The following KDM3B variants were observed in gnomAD, a reference collection of about 807,000 sequenced individuals.
KDM3B encodes lysine demethylase 3B, also known as lysine-specific demethylase 3B.
A neutral mutation model predicts 170.0 loss-of-function variants in KDM3B; 10 were observed. The ratio of observed to expected loss-of-function variants is 0.06; its 90% CI spans 0.04 to 0.10. The LOEUF (loss-of-function observed/expected upper bound fraction) is 0.10. Among genes scored for constraint, KDM3B ranks in the 10% least tolerant of loss-of-function variants. The pLI is 1.00. For missense variants in KDM3B, 1,394 were observed against 2,195.2 expected, an observed-to-expected ratio of 0.64 and a Z score of 7.29; for synonymous variants, 831 against 834.8, an observed-to-expected ratio of 1.00 and a Z score of 0.08.
At chr5:138,403,677 CAAAAA>C (rs35608823) in intron 11 of KDM3B, among the ~76,000 whole-genome samples, 1 of 132,240 alleles carries the variant, frequency 7.6e-6, no homozygotes, top group Non-Finnish European at 1.6e-5. Context: ...AACTCTGTCT[CAAAAA>C]AAAAAAAAAA....
At chr5:138,423,982 G>A in intron 15 of KDM3B, 93 bp from the exon 16 acceptor site, 2 of 1,304,730 alleles carry the variant, frequency 1.5e-6, no homozygotes, top group Non-Finnish European at 2.1e-6. Flanking sequence ...AGACAGGTCA[G>A]AACTCCTTGT....
At position 138,424,318 on chromosome 5, in the gene KDM3B, C is replaced by T. The variant is rs770809169; in HGVS notation, c.4216C>T (p.Arg1406Trp). 6.2e-7 allele frequency: 1 copy of T among 1,613,954 alleles called. No homozygotes were observed. Among genetic ancestry groups the T allele is most frequent in the South Asian group, 1.1e-5 (1 of 91,074 alleles). ...CAACAAAAACAATTGGAAGATCTTCCGGGAGTGTTGGAAGCAAGGTCAGGT... is the reference window on the plus strand; with the variant it reads ...CAACAAAAACAATTGGAAGATCTTCTGGGAGTGTTGGAAGCAAGGTCAGGT... ...PSNKNNWKIF[R>W]ECWKQGQPVL... The change falls in exon 16 of 24, where the codon CGG becomes TGG. Residue 1406 changes from arginine (R) to tryptophan (W), a missense_variant. Physicochemically the swap from Arg to Trp is moderately radical, Grantham distance 101. Transcript: ENST00000314358.
chr5:138,390,949 A>T (rs1762411060), intron 7 of KDM3B, 64 bp from the exon 8 acceptor site: 2 of 1,456,220 alleles, frequency 1.4e-6, no homozygotes. Flanking sequence ...GTGAGGTCCA[A>T]GAAAGAGATC....
At chr5:138,357,251 G>GC (rs1217455078) in intron 1 of KDM3B, among the ~76,000 whole-genome samples, 1 of 152,008 alleles carries the variant, frequency 6.6e-6, no homozygotes, top group Non-Finnish European at 1.5e-5. Context: ...CTCCCAAAGT[G>GC]CTGAGATTCC....
chr5:138,405,254 G>A (rs1218939066), intron 11 of KDM3B, among the ~76,000 whole-genome samples: 1 of 149,302 alleles, frequency 6.7e-6, no homozygotes, highest in South Asian at 2.1e-4. Flanking sequence ...GTGTTGGCAG[G>A]CTGGTCTTGA....
At chr5:138,367,612 C>T (rs1761774377) in intron 1 of KDM3B, among the ~76,000 whole-genome samples, 1 of 152,106 alleles carries the variant, frequency 6.6e-6, no homozygotes, top group East Asian at 1.9e-4. Context: ...GGGTCCTAAT[C>T]GAAGCATGTG....
At chr5:138,374,236 C>G in intron 2 of KDM3B, 1 of 423,152 alleles carries the variant, frequency 2.4e-6, no homozygotes, top group South Asian at 1.7e-5. Context: ...TCAGGTGAGC[C>G]ACTACGCCCA....
intron 6 of KDM3B, among the ~76,000 whole-genome samples, chr5:138,382,702 A>T (rs1251239195): frequency 6.6e-6 from 1 of 151,966 alleles, no homozygotes; most frequent in East Asian, 1.9e-4. Flanking sequence ...GGGTCTCGCT[A>T]TCTTGCCCAG....
intron 17 of KDM3B, among the ~76,000 whole-genome samples, chr5:138,426,577 A>G (rs1763399520): frequency 1.4e-5 from 2 of 147,644 alleles, no homozygotes; most frequent in Non-Finnish European, 3.0e-5. Flanking sequence ...TCCATCTCAA[A>G]AAAAAAAAAA....
chr5:138,416,807 A>G (rs370209581), intron 12 of KDM3B, among the ~76,000 whole-genome samples: 4 of 152,172 alleles, frequency 2.6e-5, no homozygotes, highest in African/African-American at 9.6e-5. Flanking sequence ...AACTTACAGT[A>G]AAGTATACAA....
intron 11 of KDM3B, among the ~76,000 whole-genome samples, chr5:138,412,626 C>T (rs1763001863): frequency 6.6e-6 from 1 of 152,088 alleles, no homozygotes. Flanking sequence ...TACACTCCAG[C>T]CTGGGTGACA....
rs1284993575 is a variant in KDM3B, at chr5:138,374,510, G to A, written c.361-583G>A. Among the ~76,000 whole-genome samples the A allele has an allele frequency of 7.9e-5, 12 of 151,820 alleles. No individual in the cohort carries two copies. In the East Asian group the frequency reaches 1.4e-3, roughly 17 times the overall value. The stretch of plus-strand genomic sequence containing the variant: ...CCTGACCTCGTGATCCACCCGCCTC[G>A]GCCTCCCAAAGTGCTGGGATTACAG... On this transcript the variant is annotated intron_variant, in intron 2 of 23. Transcript: ENST00000314358.
rs146514573 is a variant in KDM3B at position 138,385,236 on chromosome 5, G to T, written c.781-786G>T. 4.1e-3 allele frequency among the ~76,000 whole-genome samples: 622 copies of T among 152,122 alleles called. 2 individuals are homozygous for T. Among genetic ancestry groups the T allele is most frequent in the African/African-American group, 0.014 (571 of 41,502 alleles). The stretch of plus-strand genomic sequence containing the variant: ...GGGTTTCACCATGTTGCCCAGGCTG[G>T]TCTCAAACTCCTGACCTCAGGTAGA... On this transcript the variant is annotated intron_variant, in intron 6 of 23. Coordinates refer to ENST00000314358, the MANE Select transcript of KDM3B (RefSeq NM_016604.4).
At chr5:138,354,586 TC>T (rs1761407064) in intron 1 of KDM3B, among the ~76,000 whole-genome samples, 1 of 152,216 alleles carries the variant, frequency 6.6e-6, no homozygotes, top group African/African-American at 2.4e-5. Context: ...CTGAAATGGC[TC>T]CCCATTCACT....
chr5:138,427,366 T>C (rs755913717), intron 19 of KDM3B, 47 bp downstream of exon 19: 58 of 1,578,232 alleles, frequency 3.7e-5, no homozygotes, highest in Non-Finnish European at 4.9e-5. Context: ...CTGTTGTTCT[T>C]ATTTCAACTA....
chr5:138,406,039 A>T (rs1347389942), intron 11 of KDM3B, among the ~76,000 whole-genome samples: 2 of 152,210 alleles, frequency 1.3e-5, no homozygotes, highest in African/African-American at 4.8e-5. Context: ...AAGGCAGGAA[A>T]AATGAAACCA....
intron 17 of KDM3B, 31 bp from the exon 18 acceptor site, chr5:138,426,944 G>C: frequency 6.5e-7 from 1 of 1,543,082 alleles, no homozygotes; most frequent in East Asian, 2.2e-5. Context: ...CAAACCAGCA[G>C]ATGTTTGTGG....
chr5:138,369,253 G>T (rs562976187), intron 1 of KDM3B, among the ~76,000 whole-genome samples: 10 of 152,100 alleles, frequency 6.6e-5, no homozygotes, highest in Non-Finnish European at 7.3e-5. Flanking sequence ...TCCAGCCGTT[G>T]TATCCTCCTG....
intron 1 of KDM3B, among the ~76,000 whole-genome samples, chr5:138,359,180 T>A (rs1340814481): frequency 6.6e-6 from 1 of 151,950 alleles, no homozygotes; most frequent in African/African-American, 2.4e-5. Context: ...TTTTTTTTTT[T>A]AGACACAGTC....
Sources: allele counts gnomAD v4.1 joint callset (sites outside exome capture counted in the v4.1 genomes callset), GRCh38; gene constraint gnomAD v4.1.1; transcripts MANE v1.5; gene names NCBI Gene and HGNC (gene_info 2026-07-23, HGNC 2026-07-21).